Variants in NRXN1 observed in about 807,000 individuals in gnomAD.
The protein encoded by NRXN1 is neurexin 1.
A neutral mutation model predicts 150.9 loss-of-function variants in NRXN1; 39 were observed. The ratio of observed to expected loss-of-function variants is 0.26; its 90% confidence interval spans 0.20 to 0.34. The LOEUF is 0.34. Ranked by LOEUF, NRXN1 falls within the 10% of genes least tolerant of loss-of-function variation. The pLI is 1.00. For synonymous variants in NRXN1, 924 were observed against 757.0 expected, an observed-to-expected ratio of 1.22 and a Z score of -3.62; for missense variants, 1,815 against 1,949.9, an observed-to-expected ratio of 0.93 and a Z score of 1.30.
intron 5 of NRXN1, among the ~76,000 whole-genome samples, chr2:50,906,216 A>G (rs1683653307): frequency 6.6e-6 from 1 of 152,144 alleles, no homozygotes; most frequent in East Asian, 1.9e-4. Flanking sequence ...AGAATTACAT[A>G]CGAGGAGAAA....
chr2:50,740,888 C>T (rs771019676), intron 5 of NRXN1, among the ~76,000 whole-genome samples: 2 of 152,158 alleles, frequency 1.3e-5, no homozygotes, highest in Admixed American at 6.5e-5. Context: ...TAATCAATAA[C>T]TACCCACAGC....
intron 13 of NRXN1, among the ~76,000 whole-genome samples, chr2:50,498,301 G>A (rs1046961581): frequency 3.3e-5 from 5 of 152,082 alleles, no homozygotes; most frequent in South Asian, 4.1e-4. Context: ...TTCCCTCTTC[G>A]TGCTCAATAA....
Position 50,968,705 on chromosome 2 carries a change from C to T in NRXN1, c.773-42750G>A, listed in dbSNP as rs187193877. 2.9e-4 allele frequency among the ~76,000 whole-genome samples: 44 copies of T among 152,094 alleles called. 1 individual carries two copies. Among genetic ancestry groups the T allele is most frequent in the African/African-American group, 1.0e-3 (43 of 41,512 alleles). ...ATATCAAATTCCCCTAGTGTTGCCC[C>T]GTTTATTTGCTCCTCTTCAAACAAA... On this transcript the variant is annotated intron_variant, in intron 2 of 22. Coordinates refer to ENST00000401669, the MANE Select transcript of NRXN1 (RefSeq NM_001330078.2).
At chr2:50,754,920 C>A (rs1701000544) in intron 5 of NRXN1, among the ~76,000 whole-genome samples, 1 of 151,798 alleles carries the variant, frequency 6.6e-6, no homozygotes, top group African/African-American at 2.4e-5. Flanking sequence ...TAAAACATAG[C>A]TTTCATTTCA....
At chr2:49,935,755 C>T (rs774004701) in intron 22 of NRXN1, among the ~76,000 whole-genome samples, 5 of 152,120 alleles carry the variant, frequency 3.3e-5, no homozygotes, top group African/African-American at 1.2e-4. Context: ...ACCAAGAGAA[C>T]GCCACAGGAA....
intron 5 of NRXN1, among the ~76,000 whole-genome samples, chr2:50,825,235 C>T (rs1670290326): frequency 1.3e-5 from 2 of 152,170 alleles, no homozygotes; most frequent in African/African-American, 4.8e-5. Flanking sequence ...ATTTGGTCTT[C>T]ACTCCCTTCT....
chr2:50,453,914 G>A (rs942912717), intron 17 of NRXN1, among the ~76,000 whole-genome samples: 2 of 152,122 alleles, frequency 1.3e-5, no homozygotes, highest in African/African-American at 4.8e-5. Flanking sequence ...AAGTATTGTA[G>A]CATTTCACAA....
chr2:49,944,917 G>C (rs144771857), intron 21 of NRXN1, among the ~76,000 whole-genome samples: 48 of 152,220 alleles, frequency 3.2e-4, no homozygotes, highest in African/African-American at 1.1e-3. Flanking sequence ...TATTAAAGGA[G>C]CACCTAATAT....
At chr2:50,429,323 C>G (rs1169309509) in intron 17 of NRXN1, among the ~76,000 whole-genome samples, 1 of 152,090 alleles carries the variant, frequency 6.6e-6, no homozygotes, top group East Asian at 1.9e-4. Flanking sequence ...GTGGTGCGAT[C>G]TTGGCTCACT....
intron 17 of NRXN1, among the ~76,000 whole-genome samples, chr2:50,339,939 A>C (rs1163019843): frequency 1.3e-5 from 2 of 152,208 alleles, no homozygotes; most frequent in Admixed American, 6.5e-5. Flanking sequence ...CATGAATTGG[A>C]AAGTACCAAT....
At chr2:50,735,179 TAGAA>T (rs1333316738) in intron 5 of NRXN1, among the ~76,000 whole-genome samples, 2 of 152,136 alleles carry the variant, frequency 1.3e-5, no homozygotes, top group Admixed American at 6.5e-5. Context: ...AATTCACAAG[TAGAA>T]AGATGCCAAA....
chr2:50,706,839 G>A (rs1694515255), intron 5 of NRXN1, among the ~76,000 whole-genome samples: 2 of 150,558 alleles, frequency 1.3e-5, no homozygotes, highest in East Asian at 1.9e-4. Context: ...TACAAGGCAA[G>A]GGTCATCTGA....
chr2:49,988,512 G>C (rs1263429128), intron 21 of NRXN1, among the ~76,000 whole-genome samples: 3 of 151,726 alleles, frequency 2.0e-5, no homozygotes, highest in African/African-American at 7.3e-5. Flanking sequence ...TAAACTCATG[G>C]CTGAATCACA....
chr2:50,846,837 T>A (rs1222504676), intron 5 of NRXN1, among the ~76,000 whole-genome samples: 1 of 152,182 alleles, frequency 6.6e-6, no homozygotes, highest in African/African-American at 2.4e-5. Context: ...GAAAAGCATA[T>A]AAATTTATTT....
chr2:50,640,697 A>C (rs1683952887), intron 5 of NRXN1, among the ~76,000 whole-genome samples: 2 of 152,214 alleles, frequency 1.3e-5, no homozygotes, highest in Non-Finnish European at 2.9e-5. Context: ...AGAGTAATAT[A>C]GGATTGTATC....
chr2:50,506,531 A>C lies in NRXN1; in HGVS notation c.2461T>G (p.Leu821Val). ...TVRVVRRGKS[L>V]KLTVDDQQAM... ...TGTTGGTCATCCACTGTTAACTTTA[A>C]ACTTTTTCCACGCCGAACTACACGC... Residue 821 changes from leucine (L) to valine (V), a missense_variant, in exon 13 of 23, where the codon TTA (leucine) becomes GTA (valine). Leu to Val is a conservative substitution (Grantham distance 32). Coordinates refer to ENST00000401669, the MANE Select transcript of NRXN1 (RefSeq NM_001330078.2). 6.2e-7 allele frequency: 1 copy of C among 1,612,854 alleles called. No homozygotes were observed. The highest frequency in any genetic ancestry group is 1.7e-4 in the Middle Eastern group (1 of 6,058).
chr2:50,527,447 C>T (rs972429396), intron 12 of NRXN1, among the ~76,000 whole-genome samples: 1 of 152,014 alleles, frequency 6.6e-6, no homozygotes, highest in African/African-American at 2.4e-5. Context: ...CTATTTTGTT[C>T]GAGATCTTTT....
chr2:50,506,769 A>T, intron 12 of NRXN1, 152 bp from the exon 13 acceptor site: 2 of 784,596 alleles, frequency 2.5e-6, no homozygotes, highest in Non-Finnish European at 3.9e-6. Context: ...AGGGAGAGAA[A>T]GGAAACAGAG....
At chr2:50,950,562 A>G (rs1184563488) in intron 2 of NRXN1, among the ~76,000 whole-genome samples, 4 of 152,176 alleles carry the variant, frequency 2.6e-5, no homozygotes, top group Non-Finnish European at 4.4e-5. Flanking sequence ...TTTGTATCGG[A>G]TAAGTCTTTC....
Sources: allele counts gnomAD v4.1 joint callset (sites outside exome capture counted in the v4.1 genomes callset), GRCh38; gene constraint gnomAD v4.1.1; transcripts MANE v1.5; gene names NCBI Gene and HGNC (gene_info 2026-07-23, HGNC 2026-07-21).